OVGP1: variants seen among roughly 807,000 people sequenced by gnomAD.
OVGP1 encodes oviductal glycoprotein 1.
Under a neutral mutation model 48.2 loss-of-function variants are expected in OVGP1, and 26 were observed. That is an observed-to-expected ratio of 0.54 (90% CI 0.40 to 0.75). OVGP1 has a LOEUF of 0.75. OVGP1 is among the 30% of genes least tolerant of loss of function. The pLI, the probability that OVGP1 is intolerant of heterozygous loss-of-function variation, is 0.00. For missense variants in OVGP1, 791 were observed against 820.6 expected (o/e 0.96, Z 0.44); for synonymous variants, 294 against 305.7 (o/e 0.96, Z 0.40).
intron 8 of OVGP1, among the ~76,000 whole-genome samples, chr1:111,420,849 C>T (rs936081428): frequency 3.9e-5 from 6 of 152,020 alleles, no homozygotes; most frequent in Non-Finnish European, 1.5e-5. Context: ...AGAGATGAGA[C>T]AAAATTGGCC....
rs1328499244 is a variant in OVGP1, at chr1:111,420,862, G to C, written c.903+414C>G. On this transcript the variant is annotated intron_variant, in intron 8 of 10. Transcript: ENST00000369732. ...GCAGAGATGAGACAAAATTGGCCAT[G>C]AATTATTAATGATTGAAGCTGAGTG... Among the ~76,000 whole-genome samples the C allele has an allele frequency of 3.3e-5, 5 of 152,188 alleles. No homozygotes were observed. The East Asian group carries it at 9.6e-4, about 29-fold the overall frequency.
At chr1:111,416,865 A>G (rs1259484422) in intron 9 of OVGP1, among the ~76,000 whole-genome samples, 1 of 152,212 alleles carries the variant, frequency 6.6e-6, no homozygotes, top group Non-Finnish European at 1.5e-5. Flanking sequence ...AACAGAAAAT[A>G]GAATGGTGGT....
intron 10 of OVGP1, 54 bp downstream of exon 10, chr1:111,416,269 C>A: frequency 6.7e-7 from 1 of 1,484,922 alleles, no homozygotes. Flanking sequence ...AGGGCCTTAC[C>A]CAGTGCTTGG....
chr1:111,423,007 G>C lies in OVGP1; in HGVS notation c.528C>G (p.Arg176=), dbSNP rs148654020. 46 of 1,614,052 alleles carry C rather than the reference G, an allele frequency of 2.8e-5. No individual in the cohort carries two copies. The highest frequency in any genetic ancestry group is 3.6e-5 in the Non-Finnish European group (43 of 1,180,036). Residue 176 remains arginine, a synonymous_variant, in exon 6 of 11, where the codon CGC becomes CGG. Coordinates refer to ENST00000369732, the MANE Select transcript of OVGP1 (RefSeq NM_002557.4). ...CAGCAGCAGACAGCAGCAGCCTCGGGCGCATGGTGAGCAGTGCCTCCTTCC... is the reference window on the plus strand; with the variant it reads ...CAGCAGCAGACAGCAGCAGCCTCGGCCGCATGGTGAGCAGTGCCTCCTTCC... ...AFRKEALLTM[R]PRLLLSAAVS...
At chr1:111,423,520 T>A in intron 5 of OVGP1, 23 bp downstream of exon 5, 1 of 1,610,164 alleles carries the variant, frequency 6.2e-7, no homozygotes, top group Non-Finnish European at 8.5e-7. Flanking sequence ...TTCTGGATTC[T>A]GGCGCTTCTA....
chr1:111,423,791 C>G, intron 4 of OVGP1, 83 bp from the exon 5 acceptor site: 3 of 1,353,768 alleles, frequency 2.2e-6, no homozygotes, highest in Non-Finnish European at 1.0e-6. Flanking sequence ...GCTTGGTTCC[C>G]TGTGGTGGGC....
chr1:111,417,856 T>C (rs559477079), intron 9 of OVGP1, among the ~76,000 whole-genome samples: 20 of 152,190 alleles, frequency 1.3e-4, no homozygotes, highest in Non-Finnish European at 2.2e-4. Flanking sequence ...TCTGAAATTA[T>C]GAGACTCAGA....
chr1:111,425,607 G>A, intron 3 of OVGP1, 168 bp from the exon 4 acceptor site: 1 of 1,241,046 alleles, frequency 8.1e-7, no homozygotes, highest in Non-Finnish European at 1.1e-6. Context: ...ATGAGCACAG[G>A]AGAGAGGAGG....
chr1:111,422,403 A>T (rs1450751683), intron 6 of OVGP1, among the ~76,000 whole-genome samples: 1 of 152,194 alleles, frequency 6.6e-6, no homozygotes, highest in Non-Finnish European at 1.5e-5. Context: ...GATTCTCAAA[A>T]TTCTAGAAAA....
At position 111,427,730 on chromosome 1, in the gene OVGP1, T is replaced by C; in HGVS notation, c.-9A>G. 1 of 1,610,386 alleles carries C rather than the reference T, an allele frequency of 6.2e-7. No individual in the cohort carries two copies. The highest frequency in any genetic ancestry group is 8.5e-7 in the Non-Finnish European group (1 of 1,178,436). On this transcript the variant is annotated 5_prime_UTR_variant, in exon 1 of 11. Coordinates refer to ENST00000369732, the MANE Select transcript of OVGP1 (RefSeq NM_002557.4). ...AGCAACAGCTTCCACATCTCAATGG[T>C]CTGATAGCTGTGAGTCCAGAGATGC... is the stretch of plus-strand genomic sequence containing the variant.
intron 1 of OVGP1, 84 bp from the exon 2 acceptor site, chr1:111,427,175 G>C: frequency 6.2e-7 from 1 of 1,603,374 alleles, no homozygotes; most frequent in Non-Finnish European, 8.5e-7. Flanking sequence ...TGATTAGCAA[G>C]GGTGCCCACC....
rs1048197582 is a variant in OVGP1, at chr1:111,426,362, T to C, written c.260+75A>G. On this transcript the variant is annotated intron_variant, in intron 3 of 10. Coordinates refer to ENST00000369732, the MANE Select transcript of OVGP1 (RefSeq NM_002557.4). The stretch of plus-strand genomic sequence containing the variant: ...GAAGAAATAGAAGAAAGTTGAAGAG[T>C]AACAGGAGAAATAGACTGTTATCTT... 4 of 1,601,352 alleles carry C rather than the reference T, an allele frequency of 2.5e-6. No homozygotes were observed. The African/African-American group carries it at 5.4e-5, about 21-fold the overall frequency.
intron 2 of OVGP1, 190 bp downstream of exon 2, chr1:111,426,872 A>G: frequency 1.3e-6 from 2 of 1,548,434 alleles, no homozygotes; most frequent in Non-Finnish European, 1.7e-6. Context: ...CAGATTCTCA[A>G]GTCTGGACCA....
chr1:111,423,235 T>C (rs1652317495), intron 5 of OVGP1, among the ~76,000 whole-genome samples, 184 bp from the exon 6 acceptor site: 1 of 152,004 alleles, frequency 6.6e-6, no homozygotes, highest in Non-Finnish European at 1.5e-5. Context: ...TGGTTAATGA[T>C]TTAATCAATT....
intron 1 of OVGP1, chr1:111,427,432 T>C (rs890588303): frequency 1.1e-6 from 1 of 921,712 alleles, no homozygotes; most frequent in African/African-American, 1.8e-5. Flanking sequence ...TGGCTGGTCA[T>C]GCAGAGATTC....
intron 2 of OVGP1, 193 bp downstream of exon 2, chr1:111,426,869 T>A (rs1652413496): frequency 6.5e-7 from 1 of 1,548,738 alleles, no homozygotes. Flanking sequence ...GAACAGATTC[T>A]CAAGTCTGGA....
At chr1:111,427,382 G>A in intron 1 of OVGP1, 1 of 984,916 alleles carries the variant, frequency 1.0e-6, no homozygotes, top group Non-Finnish European at 1.2e-6. Flanking sequence ...GAGGCCAGTG[G>A]TTCTGAACCC....
At chr1:111,427,164 C>G in intron 1 of OVGP1, 73 bp from the exon 2 acceptor site, 1 of 1,608,714 alleles carries the variant, frequency 6.2e-7, no homozygotes, top group South Asian at 1.1e-5. Flanking sequence ...AGCACACCCT[C>G]TGATTAGCAA....
intron 8 of OVGP1, 37 bp downstream of exon 8, chr1:111,421,239 G>C (rs1445099394): frequency 6.4e-7 from 1 of 1,554,174 alleles, no homozygotes; most frequent in Admixed American, 1.9e-5. Flanking sequence ...GGGTGGGAGA[G>C]TCCTAACTGC....
Sources: allele counts gnomAD v4.1 joint callset (sites outside exome capture counted in the v4.1 genomes callset), GRCh38; gene constraint gnomAD v4.1.1; transcripts MANE v1.5; gene names NCBI Gene and HGNC (gene_info 2026-07-23, HGNC 2026-07-21).